FOXP1: variants seen among roughly 807,000 people sequenced by gnomAD.
FOXP1 encodes forkhead box P1, also known as forkhead box protein P1.
In FOXP1, 15 loss-of-function variants were observed where a neutral mutation model predicts 98.2. The observed-to-expected ratio is 0.15, with a 90% confidence interval of 0.10 to 0.24. The LOEUF (loss-of-function observed/expected upper bound fraction) is 0.24. FOXP1 is among the 10% of genes least tolerant of loss of function. The probability of loss-of-function intolerance (pLI) is 1.00; values close to 1 mark genes in which losing one functional copy is unlikely to be tolerated. For missense variants in FOXP1, 633 were observed against 848.5 expected (o/e 0.75, Z 3.15); for synonymous variants, 371 against 314.5 (o/e 1.18, Z -1.90).
At chr3:71,176,919 C>T (rs1435537564) in intron 6 of FOXP1, among the ~76,000 whole-genome samples, 4 of 151,656 alleles carry the variant, frequency 2.6e-5, no homozygotes, top group Admixed American at 6.6e-5. Context: ...AAAAATTAGC[C>T]GGGTGTGGTG....
chr3:71,200,398 A>C (rs2063597270), intron 5 of FOXP1, among the ~76,000 whole-genome samples: 1 of 152,218 alleles, frequency 6.6e-6, no homozygotes, highest in Non-Finnish European at 1.5e-5. Flanking sequence ...CAAGTTATTT[A>C]GTTTGTCCAC....
intron 6 of FOXP1, among the ~76,000 whole-genome samples, chr3:71,126,949 A>G (rs2059250231): frequency 6.6e-6 from 1 of 152,050 alleles, no homozygotes; most frequent in Admixed American, 6.5e-5. Flanking sequence ...AACTGGAATC[A>G]TTTTGTATGG....
At chr3:70,968,061 T>C (rs938123823) in intron 19 of FOXP1, among the ~76,000 whole-genome samples, 2 of 152,158 alleles carry the variant, frequency 1.3e-5, no homozygotes, top group Admixed American at 6.5e-5. Context: ...CAAAGTATTC[T>C]AGGTCAAGGC....
chr3:71,503,731 C>T (rs577911567), intron 2 of FOXP1, among the ~76,000 whole-genome samples: 7 of 151,960 alleles, frequency 4.6e-5, no homozygotes, highest in Non-Finnish European at 8.8e-5. Context: ...GCAGAAGACA[C>T]AGGAAGCCTG....
intron 3 of FOXP1, among the ~76,000 whole-genome samples, chr3:71,419,862 T>A (rs2083496244): frequency 6.6e-6 from 1 of 152,116 alleles, no homozygotes. Flanking sequence ...TCGCCCAGGC[T>A]AGAGTGCAGA....
chr3:71,107,249 T>TA (rs1259069738), intron 7 of FOXP1, among the ~76,000 whole-genome samples: 5 of 152,108 alleles, frequency 3.3e-5, no homozygotes, highest in Non-Finnish European at 7.4e-5. Flanking sequence ...CAAAACAGAC[T>TA]ATCAAAGAAA....
In FOXP1 at chr3:70,963,837, C is replaced by T. The variant is rs71298362; in HGVS notation, c.1889+2053G>A. On this transcript the variant is annotated intron_variant, in intron 20 of 20. Transcript: ENST00000649528. ...CTAGTGTTTCAAAGGACGAACGAAACGTAGTGGTATCTGACTGTCACAGAA... is the reference window on the plus strand; with the variant it reads ...CTAGTGTTTCAAAGGACGAACGAAATGTAGTGGTATCTGACTGTCACAGAA... 1.9e-3 allele frequency among the ~76,000 whole-genome samples: 283 copies of T among 152,226 alleles called. 1 individual carries two copies. The highest frequency in any genetic ancestry group is 3.0e-3 in the Admixed American group (46 of 15,296).
intron 4 of FOXP1, among the ~76,000 whole-genome samples, chr3:71,328,194 C>G (rs2076038290): frequency 6.6e-6 from 1 of 152,124 alleles, no homozygotes; most frequent in Non-Finnish European, 1.5e-5. Context: ...CTTTGGGAGG[C>G]TGAGGCGGGC....
At chr3:71,511,066 A>G (rs2042170205) in intron 2 of FOXP1, among the ~76,000 whole-genome samples, 2 of 152,224 alleles carry the variant, frequency 1.3e-5, no homozygotes, top group South Asian at 2.1e-4. Flanking sequence ...TCCTTCGGTG[A>G]TAATAAAAGG....
chr3:71,505,566 C>T (rs1294208354), intron 2 of FOXP1, among the ~76,000 whole-genome samples: 1 of 152,248 alleles, frequency 6.6e-6, no homozygotes, highest in Non-Finnish European at 1.5e-5. Context: ...GCTGGGATTA[C>T]AGGCGCTTGC....
intron 5 of FOXP1, among the ~76,000 whole-genome samples, chr3:71,275,267 C>T (rs1168381015): frequency 6.6e-6 from 1 of 152,176 alleles, no homozygotes; most frequent in Non-Finnish European, 1.5e-5. Flanking sequence ...GGGTGTCCCT[C>T]ATCCTGGGGA....
chr3:71,250,655 C>T (rs535465084), intron 5 of FOXP1, among the ~76,000 whole-genome samples: 5 of 152,270 alleles, frequency 3.3e-5, no homozygotes, highest in South Asian at 2.1e-4. Context: ...TTGCGTTGGG[C>T]GCAGTGGCTC....
At chr3:71,066,012 CCA>C (rs1224806358) in intron 7 of FOXP1, among the ~76,000 whole-genome samples, 1 of 150,874 alleles carries the variant, frequency 6.6e-6, no homozygotes, top group African/African-American at 2.4e-5. Flanking sequence ...CACAAAATCC[CCA>C]CACACATTTT....
At position 71,014,254 on chromosome 3, in the gene FOXP1, A is replaced by G. The variant is rs540232183; in HGVS notation, c.974+1295T>C. ...GGGAGAAAATTTTTGCAATCTACTCATCTGACAAAGGGCTAATCTACAAAG... is the reference window on the plus strand; with the variant it reads ...GGGAGAAAATTTTTGCAATCTACTCGTCTGACAAAGGGCTAATCTACAAAG... On this transcript the variant is annotated intron_variant, in intron 12 of 20. Coordinates refer to ENST00000649528, the MANE Select transcript of FOXP1 (RefSeq NM_001349338.3). Among the ~76,000 whole-genome samples, 16 of 152,324 alleles carry G rather than the reference A, an allele frequency of 1.1e-4. No individual in the cohort carries two copies. The East Asian group carries it at 3.1e-3, about 29-fold the overall frequency.
intron 5 of FOXP1, among the ~76,000 whole-genome samples, chr3:71,210,403 G>A (rs1576395853): frequency 1.3e-5 from 2 of 152,100 alleles, no homozygotes; most frequent in Admixed American, 6.5e-5. Context: ...TAGTCCCTGA[G>A]GCCTCGACAA....
intron 5 of FOXP1, among the ~76,000 whole-genome samples, chr3:71,219,225 G>C (rs1351397031): frequency 6.6e-6 from 1 of 152,056 alleles, no homozygotes; most frequent in East Asian, 1.9e-4. Flanking sequence ...GTGAACAAAT[G>C]CAACTCCTAG....
chr3:71,242,362 C>T (rs2067356087), intron 5 of FOXP1, among the ~76,000 whole-genome samples: 1 of 152,090 alleles, frequency 6.6e-6, no homozygotes, highest in African/African-American at 2.4e-5. Flanking sequence ...ATTAGACAGC[C>T]TCCAACTCAA....
chr3:71,485,215 G>T (rs1209569861), intron 3 of FOXP1, among the ~76,000 whole-genome samples: 3 of 152,108 alleles, frequency 2.0e-5, no homozygotes, highest in African/African-American at 7.2e-5. Flanking sequence ...TCAACGACTA[G>T]ATTAGACAGT....
chr3:71,167,324 C>T (rs781285215), intron 6 of FOXP1, among the ~76,000 whole-genome samples: 3 of 152,180 alleles, frequency 2.0e-5, no homozygotes, highest in Non-Finnish European at 4.4e-5. Context: ...TGACCCCCAA[C>T]CATTGCGTTT....
Sources: allele counts gnomAD v4.1 joint callset (sites outside exome capture counted in the v4.1 genomes callset), GRCh38; gene constraint gnomAD v4.1.1; transcripts MANE v1.5; gene names NCBI Gene and HGNC (gene_info 2026-07-23, HGNC 2026-07-21).